The following DOCK1 variants were observed in gnomAD, a reference collection of about 807,000 sequenced individuals.
DOCK1 encodes the protein dedicator of cytokinesis 1.
DOCK1 carries 138 observed loss-of-function variants against 262.7 expected under a neutral mutation model. The ratio of observed to expected loss-of-function variants is 0.53; its 90% CI spans 0.46 to 0.61. The LOEUF (loss-of-function observed/expected upper bound fraction) is 0.61, where lower values mean the gene tolerates loss of function less well. Among genes scored for constraint, DOCK1 ranks in the 20% least tolerant of loss-of-function variants. The probability of loss-of-function intolerance (pLI) is 0.00; values close to 1 mark genes in which losing one functional copy is unlikely to be tolerated. For missense variants in DOCK1, 1,908 were observed against 2,370.7 expected (o/e 0.80, Z 4.05); for synonymous variants, 866 against 867.4 (o/e 1.00, Z 0.03).
chr10:126,998,047 G>A (rs1249884705), intron 7 of DOCK1, 45 bp from the exon 8 acceptor site: 2 of 1,607,910 alleles, frequency 1.2e-6, no homozygotes, highest in Non-Finnish European at 8.5e-7. Flanking sequence ...AAGTGTCAGT[G>A]ATGAGTGTTG....
intron 25 of DOCK1, among the ~76,000 whole-genome samples, chr10:127,115,916 G>A (rs1025040692): frequency 6.6e-6 from 1 of 152,144 alleles, no homozygotes; most frequent in African/African-American, 2.4e-5. Context: ...TTTCTATAGT[G>A]GCCAAAGCAG....
intron 29 of DOCK1, among the ~76,000 whole-genome samples, chr10:127,331,738 A>G (rs1332046388): frequency 1.3e-5 from 2 of 152,208 alleles, no homozygotes; most frequent in Non-Finnish European, 2.9e-5. Context: ...TGATGTTCAT[A>G]GCAACATTTT....
chr10:127,435,937 C>T (rs1247444098), intron 48 of DOCK1, among the ~76,000 whole-genome samples: 2 of 152,196 alleles, frequency 1.3e-5, no homozygotes, highest in African/African-American at 4.8e-5. Context: ...TCTCTGGGTT[C>T]TTTGTATACG....
intron 23 of DOCK1, among the ~76,000 whole-genome samples, chr10:127,073,076 G>A (rs1048083971): frequency 1.3e-5 from 2 of 152,216 alleles, no homozygotes; most frequent in African/African-American, 4.8e-5. Flanking sequence ...ATTCACCGTA[G>A]GTGTTTGTAG....
chr10:127,424,165 C>G (rs1298487735), intron 46 of DOCK1, among the ~76,000 whole-genome samples: 1 of 152,166 alleles, frequency 6.6e-6, no homozygotes, highest in Non-Finnish European at 1.5e-5. Context: ...GCAGTTCAGC[C>G]CCAAGTAGAC....
rs774829252 is a variant in DOCK1, at chr10:127,032,254, T to G, written c.1846T>G (p.Cys616Gly). The change falls in exon 18 of 52, where the codon TGC becomes GGC. Residue 616 changes from cysteine (C) to glycine (G), a missense_variant. Physicochemically the swap from Cys to Gly is radical, Grantham distance 159. Coordinates refer to ENST00000623213, the MANE Select transcript of DOCK1 (RefSeq NM_001290223.2). ...CAAGAGCATGCAGAGCCTTGGGAGC[T>G]GCACCATTAGCAAGGACTCCTTCCA... is the stretch of plus-strand genomic sequence containing the variant. ...TGKSMQSLGS[C>G]TISKDSFQIS... 4 of 1,598,978 alleles carry G rather than the reference T, an allele frequency of 2.5e-6. No individual in the cohort carries two copies. The highest frequency in any genetic ancestry group is 1.7e-6 in the Non-Finnish European group (2 of 1,173,454).
At chr10:127,026,256 A>G (rs1201814273) in intron 15 of DOCK1, 96 bp from the exon 16 acceptor site, 2 of 1,182,066 alleles carry the variant, frequency 1.7e-6, no homozygotes, top group African/African-American at 3.1e-5. Context: ...GCAGTTAGAA[A>G]TGTTTACAGT....
intron 27 of DOCK1, among the ~76,000 whole-genome samples, chr10:127,200,092 C>T (rs888625529): frequency 1.3e-5 from 2 of 152,178 alleles, no homozygotes; most frequent in African/African-American, 2.4e-5. Context: ...TCGCTATGGA[C>T]GTGAATTTTT....
chr10:127,367,119 A>G (rs1413444019), intron 33 of DOCK1, among the ~76,000 whole-genome samples: 2 of 152,214 alleles, frequency 1.3e-5, no homozygotes, highest in Non-Finnish European at 2.9e-5. Context: ...ACTCAGGATT[A>G]AACTGCACCA....
chr10:127,127,789 G>A (rs2050057393), intron 27 of DOCK1, 25 bp downstream of exon 27: 4 of 1,593,580 alleles, frequency 2.5e-6, no homozygotes, highest in African/African-American at 1.3e-5. Flanking sequence ...ACATATGTTT[G>A]GATATTTAAC....
intron 19 of DOCK1, among the ~76,000 whole-genome samples, chr10:127,041,259 G>A (rs962469549): frequency 1.4e-4 from 21 of 152,018 alleles, no homozygotes; most frequent in Admixed American, 1.1e-3. Context: ...CACCATGCCC[G>A]GCTAGTTTTG....
intron 27 of DOCK1, among the ~76,000 whole-genome samples, chr10:127,200,093 G>A (rs1361586563): frequency 6.6e-6 from 1 of 152,180 alleles, no homozygotes; most frequent in African/African-American, 2.4e-5. Context: ...CGCTATGGAC[G>A]TGAATTTTTC....
At position 127,032,123 on chromosome 10, in the gene DOCK1, G is replaced by A. The variant is rs376852487; in HGVS notation, c.1729-14G>A. 31 of 1,577,860 alleles carry A rather than the reference G, an allele frequency of 2.0e-5. No individual in the cohort carries two copies. The African/African-American group carries it at 3.6e-4, about 19-fold the overall frequency. ...GTGAATTGCCTTTGACATACGGCAT[G>A]ACTAAATCCACAGGCCGAAGCAAAG... is the stretch of plus-strand genomic sequence containing the variant. On this transcript the variant is annotated splice_polypyrimidine_tract_variant and intron_variant, in intron 17 of 51. Transcript: ENST00000623213.
At chr10:127,379,736 T>C (rs1284085070) in intron 35 of DOCK1, among the ~76,000 whole-genome samples, 1 of 152,354 alleles carries the variant, frequency 6.6e-6, no homozygotes, top group East Asian at 1.9e-4. Flanking sequence ...TATTTATGTA[T>C]TCATTTATTC....
intron 21 of DOCK1, among the ~76,000 whole-genome samples, chr10:127,043,959 C>G (rs966068454): frequency 6.6e-6 from 1 of 151,984 alleles, no homozygotes; most frequent in Non-Finnish European, 1.5e-5. Context: ...TTAGAAAGCA[C>G]TAAGCAATTA....
At chr10:126,933,762 G>A (rs2134197546) in intron 1 of DOCK1, among the ~76,000 whole-genome samples, 1 of 152,252 alleles carries the variant, frequency 6.6e-6, no homozygotes, top group Non-Finnish European at 1.5e-5. Flanking sequence ...GGGGCCATTT[G>A]AACCTCTCCA....
At chr10:126,963,169 T>G (rs2037357952) in intron 1 of DOCK1, among the ~76,000 whole-genome samples, 1 of 152,232 alleles carries the variant, frequency 6.6e-6, no homozygotes, top group Non-Finnish European at 1.5e-5. Flanking sequence ...ATTTTGTTTT[T>G]GTTTTTCAAG....
chr10:127,196,453 G>C (rs1341774710), intron 27 of DOCK1, among the ~76,000 whole-genome samples: 1 of 148,690 alleles, frequency 6.7e-6, no homozygotes, highest in East Asian at 2.0e-4. Context: ...GCGGGGCAGA[G>C]GAGGGAGCAG....
chr10:127,182,021 T>C (rs1427023007), intron 27 of DOCK1, among the ~76,000 whole-genome samples: 2 of 152,180 alleles, frequency 1.3e-5, no homozygotes, highest in Admixed American at 1.3e-4. Context: ...AAGGGGTGAC[T>C]GGATGAATTC....
Sources: gnomAD v4.1 joint callset for allele counts (sites outside exome capture counted in the v4.1 genomes callset) on GRCh38, gnomAD v4.1.1 for gene constraint, MANE v1.5 for transcripts, NCBI Gene and HGNC (gene_info 2026-07-23, HGNC 2026-07-21) for gene names.